The following JAZF1 variants were observed in gnomAD, a reference collection of about 807,000 sequenced individuals.
JAZF1 encodes juxtaposed with another zinc finger protein 1.
JAZF1 carries 8 observed loss-of-function variants against 26.4 expected under a neutral mutation model. That is an observed-to-expected ratio of 0.30 (90% CI 0.18 to 0.55). The LOEUF (loss-of-function observed/expected upper bound fraction) is 0.55, where lower values mean the gene tolerates loss of function less well. Among genes scored for constraint, JAZF1 ranks in the 20% least tolerant of loss-of-function variants. The pLI is 0.94. For missense variants in JAZF1, 199 were observed against 322.0 expected, an observed-to-expected ratio of 0.62 and a Z score of 2.92; for synonymous variants, 126 against 122.3, an observed-to-expected ratio of 1.03 and a Z score of -0.20.
intron 1 of JAZF1, among the ~76,000 whole-genome samples, chr7:28,155,173 A>G (rs1270313375): frequency 1.3e-5 from 2 of 152,236 alleles, no homozygotes; most frequent in South Asian, 4.1e-4. Flanking sequence ...TTTCTGGAAC[A>G]TATGATGAAA....
chr7:28,018,523 C>G (rs1782941048), intron 1 of JAZF1, among the ~76,000 whole-genome samples: 1 of 152,198 alleles, frequency 6.6e-6, no homozygotes, highest in Non-Finnish European at 1.5e-5. Context: ...GTTGTCCTAG[C>G]ATCATTATTA....
chr7:28,032,580 T>C (rs1465968539), intron 1 of JAZF1, among the ~76,000 whole-genome samples: 2 of 152,134 alleles, frequency 1.3e-5, no homozygotes, highest in African/African-American at 4.8e-5. Context: ...CTAGATCAGA[T>C]AGCCTCTTCT....
At chr7:28,006,206 C>T (rs183245482) in intron 1 of JAZF1, among the ~76,000 whole-genome samples, 145 of 152,126 alleles carry the variant, frequency 9.5e-4, no homozygotes, top group African/African-American at 3.4e-3. Flanking sequence ...CCCATCTCTA[C>T]TAAAATACAA....
chr7:28,093,734 C>G (rs1373828567), intron 1 of JAZF1, among the ~76,000 whole-genome samples: 1 of 152,246 alleles, frequency 6.6e-6, no homozygotes, highest in Non-Finnish European at 1.5e-5. Context: ...TGATAGTTCA[C>G]TTCTCACCGA....
At chr7:27,882,307 GTT>G (rs75022299) in intron 3 of JAZF1, among the ~76,000 whole-genome samples, 2 of 143,120 alleles carry the variant, frequency 1.4e-5, no homozygotes, top group African/African-American at 5.1e-5. Flanking sequence ...TAATTGGCTT[GTT>G]TTTTTTTTTT....
intron 1 of JAZF1, among the ~76,000 whole-genome samples, chr7:28,096,193 C>T (rs11975130): frequency 0.11 from 16,013 of 152,226 alleles, 2,432 homozygotes; most frequent in African/African-American, 0.34. Flanking sequence ...GGCCTCTGTC[C>T]GCTCTTGGAG....
At chr7:28,079,911 A>G (rs76596851) in intron 1 of JAZF1, among the ~76,000 whole-genome samples, 2,594 of 152,308 alleles carry the variant, frequency 0.017, 78 homozygotes, top group African/African-American at 0.058. Context: ...GACCATTGCA[A>G]TAGCAAATAT....
chr7:28,162,424 G>A (rs1783307397), intron 1 of JAZF1, among the ~76,000 whole-genome samples: 1 of 152,212 alleles, frequency 6.6e-6, no homozygotes, highest in Non-Finnish European at 1.5e-5. Flanking sequence ...TCTACCTTAT[G>A]TGAAAGAGAG....
At chr7:28,000,938 G>T (rs1174348461) in intron 1 of JAZF1, among the ~76,000 whole-genome samples, 1 of 152,064 alleles carries the variant, frequency 6.6e-6, no homozygotes, top group Admixed American at 6.5e-5. Context: ...TTTCTTAATG[G>T]AGACAAATAA....
chr7:27,972,635 C>A (rs1018460758), intron 2 of JAZF1, among the ~76,000 whole-genome samples: 1 of 152,126 alleles, frequency 6.6e-6, no homozygotes, highest in Non-Finnish European at 1.5e-5. Context: ...ATCCACATTG[C>A]AGGATTATCG....
intron 2 of JAZF1, among the ~76,000 whole-genome samples, chr7:27,907,774 G>A (rs561686155): frequency 6.0e-4 from 92 of 152,330 alleles, no homozygotes; most frequent in African/African-American, 2.2e-3. Context: ...TTCTATGCCA[G>A]AGATGGCACA....
chr7:27,905,396 T>A (rs1224201476), intron 2 of JAZF1, among the ~76,000 whole-genome samples: 3 of 151,686 alleles, frequency 2.0e-5, no homozygotes, highest in Non-Finnish European at 4.4e-5. Context: ...TACCAAACCT[T>A]GTAGCTTATT....
intron 1 of JAZF1, among the ~76,000 whole-genome samples, chr7:28,049,582 A>G (rs999677376): frequency 2.6e-5 from 4 of 152,148 alleles, no homozygotes; most frequent in Admixed American, 1.3e-4. Context: ...TCCTGCAAGA[A>G]TGTCCCTATT....
chr7:27,877,761 T>C (rs1036516149), intron 3 of JAZF1, among the ~76,000 whole-genome samples: 1 of 152,206 alleles, frequency 6.6e-6, no homozygotes, highest in African/African-American at 2.4e-5. Flanking sequence ...TCTCAGATGA[T>C]CTCACACTTA....
At chr7:27,978,566 C>T (rs1365728132) in intron 2 of JAZF1, among the ~76,000 whole-genome samples, 1 of 152,118 alleles carries the variant, frequency 6.6e-6, no homozygotes, top group Non-Finnish European at 1.5e-5. Flanking sequence ...GAATAAAAGG[C>T]TTCAGGGTTC....
In JAZF1 at chr7:27,912,441, A is replaced by G. The variant is rs566785910; in HGVS notation, c.189-17025T>C. 2.0e-5 allele frequency among the ~76,000 whole-genome samples: 3 copies of G among 152,176 alleles called. No homozygotes were observed. The South Asian group carries it at 6.2e-4, about 32-fold the overall frequency. On this transcript the variant is annotated intron_variant, in intron 2 of 4. Transcript: ENST00000283928. ...TTTTCTCTTGGAGAGGGTGAGAAAA[A>G]TCTTGGGGCTAGTTTACCTCCATAC...
chr7:28,049,468 A>G (rs1366374167), intron 1 of JAZF1, among the ~76,000 whole-genome samples: 2 of 152,090 alleles, frequency 1.3e-5, no homozygotes, highest in Non-Finnish European at 2.9e-5. Context: ...ACACCAAGCA[A>G]TTCTCTAATC....
Position 28,135,680 on chromosome 7 carries a change from T to C in JAZF1, c.115+44783A>G, listed in dbSNP as rs146203090. Among the ~76,000 whole-genome samples, 504 of 152,356 alleles carry C rather than the reference T, an allele frequency of 3.3e-3. 3 individuals carry two copies. Among genetic ancestry groups the C allele is most frequent in the African/African-American group, 0.011 (477 of 41,580 alleles). ...AGCTTCAAAAGAGGCAATTACTTTTTAAGTCTGATCAATAGTGAAGAGCAT... is the reference window on the plus strand; with the variant it reads ...AGCTTCAAAAGAGGCAATTACTTTTCAAGTCTGATCAATAGTGAAGAGCAT... On this transcript the variant is annotated intron_variant, in intron 1 of 4. Coordinates refer to ENST00000283928, the MANE Select transcript of JAZF1 (RefSeq NM_175061.4).
chr7:28,086,609 C>T (rs1784215920), intron 1 of JAZF1, among the ~76,000 whole-genome samples: 1 of 152,086 alleles, frequency 6.6e-6, no homozygotes, highest in African/African-American at 2.4e-5. Flanking sequence ...CTGGGGCAGC[C>T]CTGAGTAGTA....
Sources: gnomAD v4.1 joint callset for allele counts (sites outside exome capture counted in the v4.1 genomes callset) on GRCh38, gnomAD v4.1.1 for gene constraint, MANE v1.5 for transcripts, NCBI Gene and HGNC (gene_info 2026-07-23, HGNC 2026-07-21) for gene names.